WDR7: variants seen among roughly 807,000 people sequenced by gnomAD.
The protein encoded by WDR7 is WD repeat-containing protein 7.
A neutral mutation model predicts 169.4 loss-of-function variants in WDR7; 46 were observed. The observed-to-expected ratio is 0.27, with a 90% CI of 0.21 to 0.35. WDR7 has a LOEUF of 0.35. WDR7 is among the 10% of genes least tolerant of loss of function. The pLI, the probability that WDR7 is intolerant of heterozygous loss-of-function variation, is 1.00. For missense variants in WDR7, 1,534 were observed against 1,859.3 expected (o/e 0.83, Z 3.22); for synonymous variants, 612 against 666.8 (o/e 0.92, Z 1.27).
chr18:56,773,273 A>G (rs1432457443), intron 16 of WDR7, among the ~76,000 whole-genome samples: 1 of 152,124 alleles, frequency 6.6e-6, no homozygotes, highest in Non-Finnish European at 1.5e-5. Context: ...TAGCATTGTA[A>G]CGGGGCTTCA....
chr18:57,004,944 C>T (rs2145897726), intron 26 of WDR7, among the ~76,000 whole-genome samples: 1 of 152,226 alleles, frequency 6.6e-6, no homozygotes, highest in Middle Eastern at 3.4e-3. Flanking sequence ...TTAACTCGTA[C>T]TCACACCTTG....
intron 14 of WDR7, among the ~76,000 whole-genome samples, chr18:56,742,761 T>G (rs947150177): frequency 6.6e-6 from 1 of 152,058 alleles, no homozygotes; most frequent in Non-Finnish European, 1.5e-5. Context: ...AGTAGATATA[T>G]TCAGATGATG....
At chr18:56,964,245 T>G (rs1377656136) in intron 26 of WDR7, among the ~76,000 whole-genome samples, 1 of 151,954 alleles carries the variant, frequency 6.6e-6, no homozygotes, top group Non-Finnish European at 1.5e-5. Context: ...TTTGAATATC[T>G]TATCTTTTTC....
At chr18:56,834,551 G>A (rs1164863336) in intron 20 of WDR7, among the ~76,000 whole-genome samples, 1 of 151,758 alleles carries the variant, frequency 6.6e-6, no homozygotes, top group Non-Finnish European at 1.5e-5. Flanking sequence ...CTGATTTCTA[G>A]ACCCTTCTCT....
chr18:57,024,715 C>T lies in WDR7; in HGVS notation c.4270-2289C>T, dbSNP rs2917653. 1.8e-4 allele frequency among the ~76,000 whole-genome samples: 24 copies of T among 136,424 alleles called. 2 individuals carry two copies. Among genetic ancestry groups the T allele is most frequent in the African/African-American group, 4.5e-4 (15 of 33,542 alleles). The allele number at this position is 136,424 out of a possible 152,430, so 89.5% of individuals were successfully genotyped here. ...TGAACTATGATAGTTATGTCCCTTACAGGATTTCACATATCCCTATTCTCA... is the reference window on the plus strand; with the variant it reads ...TGAACTATGATAGTTATGTCCCTTATAGGATTTCACATATCCCTATTCTCA... On this transcript the variant is annotated intron_variant, in intron 27 of 27. Transcript: ENST00000254442.
intron 21 of WDR7, among the ~76,000 whole-genome samples, chr18:56,904,581 C>T (rs964381996): frequency 6.6e-6 from 1 of 152,024 alleles, no homozygotes; most frequent in Non-Finnish European, 1.5e-5. Flanking sequence ...ACAATTATTG[C>T]CCCTGTGCAG....
chr18:56,718,223 G>A (rs2026235731), intron 13 of WDR7, 64 bp downstream of exon 13: 2 of 1,356,984 alleles, frequency 1.5e-6, no homozygotes, highest in African/African-American at 3.0e-5. Context: ...TTCTAGAAAT[G>A]AAAATGTCTT....
chr18:56,907,587 G>A (rs149620058), intron 21 of WDR7, among the ~76,000 whole-genome samples: 296 of 152,216 alleles, frequency 1.9e-3, no homozygotes, highest in African/African-American at 6.8e-3. Flanking sequence ...GTAATCTTTA[G>A]CTATTCTCTT....
chr18:56,667,681 T>G (rs186767008), intron 1 of WDR7, among the ~76,000 whole-genome samples: 313 of 152,338 alleles, frequency 2.1e-3, no homozygotes, highest in African/African-American at 7.2e-3. Context: ...AAACTGCTTT[T>G]TCTTTTCTTT....
chr18:56,704,172 G>A (rs1039256888), intron 12 of WDR7, among the ~76,000 whole-genome samples: 1 of 152,020 alleles, frequency 6.6e-6, no homozygotes, highest in African/African-American at 2.4e-5. Flanking sequence ...TGTACATTCT[G>A]GTTGGTTTTA....
downstream of WDR7, chr18:57,032,811 A>T (rs1460173991): frequency 9.1e-5 from 3 of 33,142 alleles, no homozygotes; most frequent in East Asian, 1.0e-3. Context: ...TTATATATAT[A>T]TATATATATA....
intron 26 of WDR7, among the ~76,000 whole-genome samples, chr18:56,971,122 A>C (rs953255960): frequency 2.0e-5 from 3 of 152,038 alleles, no homozygotes; most frequent in Admixed American, 2.0e-4. Context: ...AAATACAAAA[A>C]TTAGCTGAGC....
chr18:56,805,467 T>G (rs2044757413), intron 19 of WDR7, among the ~76,000 whole-genome samples: 1 of 152,194 alleles, frequency 6.6e-6, no homozygotes, highest in Middle Eastern at 3.2e-3. Context: ...CTTTGATTTT[T>G]GGGAATTTCC....
chr18:56,692,891 A>G (rs1334796527), intron 9 of WDR7, among the ~76,000 whole-genome samples: 2 of 151,420 alleles, frequency 1.3e-5, no homozygotes, highest in East Asian at 3.9e-4. Context: ...CGACATAGTG[A>G]GACCCCATCT....
rs113455249 is a variant in WDR7, at chr18:56,823,353, G to A, written c.3304+7209G>A. Among the ~76,000 whole-genome samples the A allele has an allele frequency of 2.6e-3, 397 of 152,208 alleles. 2 individuals are homozygous for A. The highest frequency in any genetic ancestry group is 9.2e-3 in the African/African-American group (382 of 41,522). On this transcript the variant is annotated intron_variant, in intron 20 of 27. Coordinates refer to ENST00000254442, the MANE Select transcript of WDR7 (RefSeq NM_015285.3). ...AGCACTTTGGGAGGCCGAGGCCTGC[G>A]GATCATCTGAGGTCAGGAGTTCGAG... is the stretch of plus-strand genomic sequence containing the variant.
chr18:56,920,133 T>C (rs2046692986), intron 21 of WDR7, among the ~76,000 whole-genome samples: 3 of 152,090 alleles, frequency 2.0e-5, no homozygotes, highest in Admixed American at 2.0e-4. Context: ...ATGTAACCCC[T>C]TGATCTTGCC....
chr18:56,984,727 A>G (rs1307636140), intron 26 of WDR7, among the ~76,000 whole-genome samples: 1 of 152,074 alleles, frequency 6.6e-6, no homozygotes, highest in Non-Finnish European at 1.5e-5. Context: ...GGCAGACTTT[A>G]TATTGAATTG....
At chr18:56,712,496 C>A (rs2026108256) in intron 12 of WDR7, among the ~76,000 whole-genome samples, 1 of 152,128 alleles carries the variant, frequency 6.6e-6, no homozygotes, top group Non-Finnish European at 1.5e-5. Context: ...CCAGTATTTT[C>A]TCCCCTCTCC....
intron 1 of WDR7, among the ~76,000 whole-genome samples, chr18:56,657,619 A>C (rs745559275): frequency 3.9e-5 from 6 of 152,224 alleles, no homozygotes; most frequent in Non-Finnish European, 7.3e-5. Context: ...CAATAAGAGG[A>C]CATGTTCTCA....
Sources: allele counts gnomAD v4.1 joint callset (sites outside exome capture counted in the v4.1 genomes callset), GRCh38; gene constraint gnomAD v4.1.1; transcripts MANE v1.5; gene names NCBI Gene and HGNC (gene_info 2026-07-23, HGNC 2026-07-21).